Variants in PAPSS2 observed in about 807,000 individuals in gnomAD.
The protein encoded by PAPSS2 is 3'-phosphoadenosine 5'-phosphosulfate synthase 2, also known as bifunctional 3'-phosphoadenosine 5'-phosphosulfate synthase 2.
In PAPSS2, 61 loss-of-function variants were observed where a neutral mutation model predicts 66.5. The ratio of observed to expected loss-of-function variants is 0.92; its 90% confidence interval spans 0.75 to 1.14. PAPSS2 has a LOEUF of 1.14. Ranked by LOEUF, PAPSS2 falls within the 50% of genes most tolerant of loss-of-function variation. The probability of loss-of-function intolerance (pLI) is 0.00; values close to 1 mark genes in which losing one functional copy is unlikely to be tolerated. For synonymous variants in PAPSS2, 289 were observed against 287.5 expected (o/e 1.01, Z -0.05); for missense variants, 708 against 789.6 (o/e 0.90, Z 1.24).
At chr10:87,674,312 G>A (rs1239437943) in intron 1 of PAPSS2, among the ~76,000 whole-genome samples, 3 of 152,078 alleles carry the variant, frequency 2.0e-5, no homozygotes, top group Admixed American at 6.6e-5. Context: ...TTACAGGCAC[G>A]TGCCACCACA....
intron 10 of PAPSS2, 132 bp downstream of exon 10, chr10:87,741,502 C>A: frequency 2.6e-6 from 2 of 765,962 alleles, no homozygotes; most frequent in Non-Finnish European, 2.2e-6. Flanking sequence ...TCAAGTAATT[C>A]TCCTGCCTCA....
At chr10:87,718,822 T>C (rs980973745) in intron 7 of PAPSS2, among the ~76,000 whole-genome samples, 7 of 152,238 alleles carry the variant, frequency 4.6e-5, no homozygotes, top group Non-Finnish European at 1.0e-4. Flanking sequence ...TGTTAGAGAA[T>C]TGAGTGAGGC....
At chr10:87,721,894 A>T in intron 8 of PAPSS2, 124 bp downstream of exon 8, 1 of 634,176 alleles carries the variant, frequency 1.6e-6, no homozygotes, top group Admixed American at 3.0e-5. Flanking sequence ...CTATTAGTTC[A>T]TGATCCAACC....
Position 87,746,060 on chromosome 10 carries a change from A to G in PAPSS2, c.*90A>G. 2 of 1,242,204 alleles carry G rather than the reference A, an allele frequency of 1.6e-6. No individual in the cohort carries two copies. The highest frequency in any genetic ancestry group is 2.5e-5 in the South Asian group (2 of 79,066). The allele number at this position is 1,242,204 out of a possible 1,614,324, so 76.9% of individuals were successfully genotyped here. On this transcript the variant is annotated 3_prime_UTR_variant, in exon 13 of 13. Transcript: ENST00000456849. ...ATGCTTTGTATTAAATTGCTTCTCAATGATGCATTTTAATCTTTTATAATG... is the reference window on the plus strand; with the variant it reads ...ATGCTTTGTATTAAATTGCTTCTCAGTGATGCATTTTAATCTTTTATAATG...
chr10:87,678,067 C>T (rs1852971019), intron 1 of PAPSS2, among the ~76,000 whole-genome samples: 2 of 152,120 alleles, frequency 1.3e-5, no homozygotes, highest in African/African-American at 4.8e-5. Flanking sequence ...AAGACCACTT[C>T]TAAGTATAAT....
chr10:87,744,381 A>G (rs1853911033), intron 11 of PAPSS2, among the ~76,000 whole-genome samples: 1 of 152,222 alleles, frequency 6.6e-6, no homozygotes, highest in Non-Finnish European at 1.5e-5. Flanking sequence ...CTGCACCACC[A>G]GTGTAGTGGA....
chr10:87,735,945 C>A (rs1853793172), intron 9 of PAPSS2, among the ~76,000 whole-genome samples: 1 of 152,202 alleles, frequency 6.6e-6, no homozygotes. Context: ...ACCAGGTCCA[C>A]CATCACTATC....
At position 87,667,538 on chromosome 10, in the gene PAPSS2, A is replaced by T. The variant is rs192664089; in HGVS notation, c.27+7530A>T. ...TGTACAAAAGAGCCACTGTATTAAA[A>T]CTTGAAATATAAGTTGCCTCTGATG... On this transcript the variant is annotated intron_variant, in intron 1 of 12. Coordinates refer to ENST00000456849, the MANE Select transcript of PAPSS2 (RefSeq NM_001015880.2). 2.7e-3 allele frequency among the ~76,000 whole-genome samples: 408 copies of T among 152,312 alleles called. 7 individuals carry two copies. Among genetic ancestry groups the T allele is most frequent in the Admixed American group, 0.018 (281 of 15,296 alleles).
chr10:87,745,083 C>T lies in PAPSS2; in HGVS notation c.1573C>T (p.Pro525Ser). 2 of 1,614,130 alleles carry T rather than the reference C, an allele frequency of 1.2e-6. No homozygotes were observed. Among genetic ancestry groups the T allele is most frequent in the Non-Finnish European group, 8.5e-7 (1 of 1,179,998 alleles). ...GAGGGACCCTGCAGGAATGCCCCATCCTGAAACCAAGAAGGATCTGTATGA... is the reference window on the plus strand; with the variant it reads ...GAGGGACCCTGCAGGAATGCCCCATTCTGAAACCAAGAAGGATCTGTATGA... Reference protein sequence around the residue: ...VGRDPAGMPHPETKKDLYEPT... With the variant: ...VGRDPAGMPHSETKKDLYEPT... Residue 525 changes from proline to serine, a missense_variant, in exon 12 of 13, where the codon CCT becomes TCT. Physicochemically the swap from Pro to Ser is moderately conservative, Grantham distance 74. Transcript: ENST00000456849.
intron 9 of PAPSS2, among the ~76,000 whole-genome samples, chr10:87,734,669 A>ATG (rs1853773165): frequency 4.7e-5 from 4 of 84,984 alleles, no homozygotes; most frequent in Admixed American, 3.2e-4. Flanking sequence ...GTGTGTATAT[A>ATG]TATATATATA....
chr10:87,682,789 A>T (rs977948228), intron 1 of PAPSS2, among the ~76,000 whole-genome samples: 38 of 152,180 alleles, frequency 2.5e-4, no homozygotes, highest in Non-Finnish European at 2.9e-5. Flanking sequence ...GACTCGGCAC[A>T]ATAAAAAGAA....
At chr10:87,678,770 G>C (rs1204684751) in intron 1 of PAPSS2, among the ~76,000 whole-genome samples, 1 of 150,958 alleles carries the variant, frequency 6.6e-6, no homozygotes. Flanking sequence ...TATGTAAAAA[G>C]ACAAAAAAAA....
At chr10:87,699,453 T>G (rs560969544) in intron 1 of PAPSS2, among the ~76,000 whole-genome samples, 5 of 152,354 alleles carry the variant, frequency 3.3e-5, no homozygotes, top group African/African-American at 1.2e-4. Context: ...TGGCTAATAG[T>G]ATTTTCTTAT....
At chr10:87,663,640 C>G (rs897022420) in intron 1 of PAPSS2, among the ~76,000 whole-genome samples, 9 of 152,190 alleles carry the variant, frequency 5.9e-5, no homozygotes, top group Non-Finnish European at 1.0e-4. Context: ...CTTCAAAACT[C>G]ATGCTCTTGA....
At chr10:87,695,448 A>C (rs1165479227) in intron 1 of PAPSS2, among the ~76,000 whole-genome samples, 1 of 152,220 alleles carries the variant, frequency 6.6e-6, no homozygotes, top group Non-Finnish European at 1.5e-5. Flanking sequence ...GTACATAAAA[A>C]ATGAGCAGGT....
chr10:87,675,966 C>G (rs3824722), intron 1 of PAPSS2, among the ~76,000 whole-genome samples: 66,664 of 144,068 alleles, frequency 0.46, 16,030 homozygotes, highest in East Asian at 0.78. Context: ...TCCCTTTCCA[C>G]ATTTCTTTTT....
chr10:87,743,474 C>T lies in PAPSS2; in HGVS notation c.1324C>T (p.Pro442Ser), dbSNP rs755518410. ...GCTCCTAGAGAGGGGCTACAAGCAC[C>T]CGGTCCTCCTACTACACCCTCTGGG... ...RRLLERGYKH[P>S]VLLLHPLGGW... The change falls in exon 11 of 13, where the codon CCG becomes TCG. Residue 442 changes from proline (P) to serine (S), a missense_variant. Coordinates refer to ENST00000456849, the MANE Select transcript of PAPSS2 (RefSeq NM_001015880.2). 1.2e-6 allele frequency: 2 copies of T among 1,614,122 alleles called. No individual in the cohort carries two copies. Among genetic ancestry groups the T allele is most frequent in the Non-Finnish European group, 1.7e-6 (2 of 1,180,014 alleles).
chr10:87,714,104 G>T lies in PAPSS2; in HGVS notation c.442G>T (p.Val148Leu). Residue 148 changes from valine to leucine, a missense_variant, in exon 4 of 13, where the codon GTA (valine) becomes TTA (leucine). Val to Leu is a conservative substitution (Grantham distance 32). Coordinates refer to ENST00000456849, the MANE Select transcript of PAPSS2 (RefSeq NM_001015880.2). ...SAGLPFFEIF[V>L]DAPLNICESR... Reference sequence around the variant, plus strand: ...AGGGCTGCCATTCTTTGAAATATTTGTAGATGCACCTCTAAATATTTGTGA... The same window carrying T: ...AGGGCTGCCATTCTTTGAAATATTTTTAGATGCACCTCTAAATATTTGTGA... 1 of 1,613,668 alleles carries T rather than the reference G, an allele frequency of 6.2e-7. No homozygotes were observed. Among genetic ancestry groups the T allele is most frequent in the Non-Finnish European group, 8.5e-7 (1 of 1,179,610 alleles).
chr10:87,714,492 TG>T (rs1853507329), intron 4 of PAPSS2, among the ~76,000 whole-genome samples: 1 of 152,216 alleles, frequency 6.6e-6, no homozygotes, highest in African/African-American at 2.4e-5. Flanking sequence ...TCTTCCTTTT[TG>T]ATTGTAATCA....
Sources: allele counts gnomAD v4.1 joint callset (sites outside exome capture counted in the v4.1 genomes callset), GRCh38; gene constraint gnomAD v4.1.1; transcripts MANE v1.5; gene names NCBI Gene and HGNC (gene_info 2026-07-23, HGNC 2026-07-21).